SORCS2: variants seen among roughly 807,000 people sequenced by gnomAD.
The protein encoded by SORCS2 is VPS10 domain-containing receptor SorCS2.
In SORCS2, 100 loss-of-function variants were observed where a neutral mutation model predicts 141.6. That is an observed-to-expected ratio of 0.71 (90% CI 0.60 to 0.83). The LOEUF (loss-of-function observed/expected upper bound fraction) is 0.83, where lower values mean the gene tolerates loss of function less well. Among genes scored for constraint, SORCS2 ranks in the 40% least tolerant of loss-of-function variants. The pLI is 0.00. For missense variants in SORCS2, 1,646 were observed against 1,560.2 expected (o/e 1.05, Z -0.93); for synonymous variants, 789 against 676.9 (o/e 1.17, Z -2.57).
chr4:7,549,962 A>G (rs896674674), intron 3 of SORCS2, among the ~76,000 whole-genome samples: 4 of 152,128 alleles, frequency 2.6e-5, no homozygotes. Flanking sequence ...GAGTTCTCAT[A>G]TTTGCTCCCG....
intron 2 of SORCS2, among the ~76,000 whole-genome samples, chr4:7,405,370 T>C (rs1161024005): frequency 6.6e-6 from 1 of 152,100 alleles, no homozygotes; most frequent in Non-Finnish European, 1.5e-5. Context: ...TTTAGGGTTA[T>C]TTTTTCCAAT....
intron 1 of SORCS2, among the ~76,000 whole-genome samples, chr4:7,349,115 A>T (rs968828567): frequency 2.0e-5 from 3 of 152,170 alleles, no homozygotes; most frequent in Non-Finnish European, 4.4e-5. Context: ...TGGTGCTTGC[A>T]GTATGTTAGC....
chr4:7,286,954 C>T lies in SORCS2; in HGVS notation c.480+93828C>T, dbSNP rs1174112466. ...GAGGCAGAGAGAGGGACCAGGGCCA[C>T]TGGTACGAACGCTTCTTGCATCAGG... On this transcript the variant is annotated intron_variant, in intron 1 of 26. Transcript: ENST00000507866. The surrounding 1 kb of genome is among the most constrained non-coding windows in gnomAD (Gnocchi z 4.1). Among the ~76,000 whole-genome samples, 1 of 152,186 alleles carries T rather than the reference C, an allele frequency of 6.6e-6. No individual in the cohort carries two copies. Among genetic ancestry groups the T allele is most frequent in the Non-Finnish European group, 1.5e-5 (1 of 68,032 alleles).
At chr4:7,295,441 G>C (rs1394159500) in intron 1 of SORCS2, among the ~76,000 whole-genome samples, 3 of 152,046 alleles carry the variant, frequency 2.0e-5, no homozygotes, top group African/African-American at 7.2e-5. Flanking sequence ...CCCTGGCTTG[G>C]TGCCCTGTTC....
intron 3 of SORCS2, among the ~76,000 whole-genome samples, chr4:7,605,969 T>C (rs1718034721): frequency 6.6e-6 from 1 of 152,206 alleles, no homozygotes; most frequent in Admixed American, 6.5e-5. Context: ...TTACAGATGC[T>C]GAAAGGATGC....
At position 7,400,839 on chromosome 4, in the gene SORCS2, A is replaced by T. The variant is rs543889440; in HGVS notation, c.548+4484A>T. Among the ~76,000 whole-genome samples the T allele has an allele frequency of 4.6e-5, 7 of 152,042 alleles. No homozygotes were observed. The South Asian group carries it at 1.2e-3, about 27-fold the overall frequency. The stretch of plus-strand genomic sequence containing the variant: ...GAAGAATGGATGGATGGATGGGTGG[A>T]TGGGGAGATGGATGGATGGATGGAT... On this transcript the variant is annotated intron_variant, in intron 2 of 26. Coordinates refer to ENST00000507866, the MANE Select transcript of SORCS2 (RefSeq NM_020777.3).
intron 1 of SORCS2, among the ~76,000 whole-genome samples, chr4:7,337,593 C>A (rs1720066803): frequency 6.6e-6 from 1 of 152,144 alleles, no homozygotes; most frequent in African/African-American, 2.4e-5. Context: ...TGGTAGTAGG[C>A]CATGTGGGCC....
intron 1 of SORCS2, among the ~76,000 whole-genome samples, chr4:7,262,367 TATCCATCTATCCATCC>T (rs1462926685): frequency 4.7e-4 from 60 of 126,838 alleles, no homozygotes; most frequent in African/African-American, 1.6e-3. Context: ...TCCACCCACC[TATCCATCTATCCATCC>T]ATCCATCCAT....
chr4:7,271,081 T>C (rs1245198968), intron 1 of SORCS2, among the ~76,000 whole-genome samples: 5 of 152,236 alleles, frequency 3.3e-5, no homozygotes, highest in Admixed American at 3.3e-4. Flanking sequence ...ATGAGGCTAC[T>C]GTGGGAAGCT....
intron 3 of SORCS2, among the ~76,000 whole-genome samples, chr4:7,599,796 A>G (rs1560416203): frequency 6.7e-6 from 1 of 149,376 alleles, no homozygotes; most frequent in Non-Finnish European, 1.5e-5. Flanking sequence ...CTTCATCCTA[A>G]GAGCTGTGGG....
intron 3 of SORCS2, among the ~76,000 whole-genome samples, chr4:7,559,506 G>T (rs1335648604): frequency 2.0e-5 from 3 of 152,162 alleles, no homozygotes; most frequent in African/African-American, 7.2e-5. Flanking sequence ...AGGAGCTGAT[G>T]GGGGCATCAG....
intron 22 of SORCS2, 111 bp from the exon 23 acceptor site, chr4:7,729,474 CTG>C (rs1290670292): frequency 7.2e-7 from 1 of 1,387,482 alleles, no homozygotes. Flanking sequence ...CAGGAACGGC[CTG>C]TGAGACAGGT....
chr4:7,665,498 C>T (rs972742275), intron 7 of SORCS2, among the ~76,000 whole-genome samples: 1 of 152,210 alleles, frequency 6.6e-6, no homozygotes, highest in Non-Finnish European at 1.5e-5. Context: ...CTGATTCCTG[C>T]TCCTTCTCAA....
At chr4:7,698,323 A>T (rs778288194) in intron 12 of SORCS2, among the ~76,000 whole-genome samples, 1 of 152,220 alleles carries the variant, frequency 6.6e-6, no homozygotes, top group Non-Finnish European at 1.5e-5. Context: ...CCCCTCCCAC[A>T]CAGCAATGCT....
chr4:7,231,237 C>A (rs957646838), intron 1 of SORCS2, among the ~76,000 whole-genome samples: 9 of 152,194 alleles, frequency 5.9e-5, no homozygotes, highest in Admixed American at 3.3e-4. Context: ...CAAGAGAATT[C>A]TCTTTTAATT....
intron 2 of SORCS2, among the ~76,000 whole-genome samples, chr4:7,458,215 G>A (rs916461251): frequency 6.6e-6 from 1 of 152,130 alleles, no homozygotes; most frequent in South Asian, 2.1e-4. Flanking sequence ...GGGGGGAGGC[G>A]GGGCTGGCAG....
chr4:7,550,109 C>T lies in SORCS2; in HGVS notation c.648+18480C>T, dbSNP rs1178869713. On this transcript the variant is annotated intron_variant, in intron 3 of 26. Coordinates refer to ENST00000507866, the MANE Select transcript of SORCS2 (RefSeq NM_020777.3). ...CCGGGAGCTGGTGTTTTTTTTTTTC[C>T]GTGTGTGTGTGTGTATGTGTGTATG... 1.7e-4 allele frequency among the ~76,000 whole-genome samples: 22 copies of T among 129,790 alleles called. No homozygotes were observed. The South Asian group carries it at 4.9e-3, about 29-fold the overall frequency. 85.1% of individuals were successfully genotyped at this position (129,790 alleles called of 152,430 possible).
chr4:7,726,889 T>A lies in SORCS2; in HGVS notation c.2855T>A (p.Val952Asp). ...AACTCGGTGCTGCAGGACTCCAGGG[T>A]CCTCCGTGTGCTGGGTAAGTACTTC... ...CGNSVLQDSR[V>D]LRVLDQFQVM... The change falls in exon 21 of 27, where the codon GTC becomes GAC. Residue 952 changes from valine to aspartate, a missense_variant. Transcript: ENST00000507866. 1 of 1,613,262 alleles carries A rather than the reference T, an allele frequency of 6.2e-7. No homozygotes were observed. The highest frequency in any genetic ancestry group is 8.5e-7 in the Non-Finnish European group (1 of 1,179,548).
At chr4:7,230,302 A>T (rs1711761527) in intron 1 of SORCS2, among the ~76,000 whole-genome samples, 1 of 104,036 alleles carries the variant, frequency 9.6e-6, no homozygotes, top group Non-Finnish European at 2.0e-5. Flanking sequence ...TCATGTATGA[A>T]GGAGATGAAG....
Sources: allele counts gnomAD v4.1 joint callset (sites outside exome capture counted in the v4.1 genomes callset), GRCh38; gene constraint gnomAD v4.1.1; non-coding constraint Gnocchi (gnomAD v3.1); transcripts MANE v1.5; gene names NCBI Gene and HGNC (gene_info 2026-07-23, HGNC 2026-07-21).